The following EFCAB5 variants were observed in gnomAD, a reference collection of about 807,000 sequenced individuals.
EFCAB5 encodes the protein EF-hand calcium-binding domain-containing protein 5.
In EFCAB5, 131 loss-of-function variants were observed where a neutral mutation model predicts 167.9. The ratio of observed to expected loss-of-function variants is 0.78; its 90% CI spans 0.68 to 0.90. The LOEUF (loss-of-function observed/expected upper bound fraction) is 0.90, where lower values mean the gene tolerates loss of function less well. Among genes scored for constraint, EFCAB5 ranks in the 40% least tolerant of loss-of-function variants. EFCAB5 has a pLI of 0.00. For synonymous variants in EFCAB5, 574 were observed against 602.8 expected, an observed-to-expected ratio of 0.95 and a Z score of 0.70; for missense variants, 1,663 against 1,745.2, an observed-to-expected ratio of 0.95 and a Z score of 0.84.
intron 15 of EFCAB5, 124 bp from the exon 16 acceptor site, chr17:30,079,948 G>A (rs1459649171): frequency 8.8e-7 from 1 of 1,142,102 alleles, no homozygotes; most frequent in Non-Finnish European, 1.2e-6. Flanking sequence ...AGTAATATAT[G>A]CATTCTTTAT....
chr17:29,934,356 T>C (rs2067227904), intron 1 of EFCAB5, among the ~76,000 whole-genome samples: 1 of 152,234 alleles, frequency 6.6e-6, no homozygotes, highest in Non-Finnish European at 1.5e-5. Context: ...CCAATGGGAA[T>C]TTCCCCATCT....
At chr17:29,955,432 T>C (rs1250126060) in intron 3 of EFCAB5, among the ~76,000 whole-genome samples, 1 of 152,184 alleles carries the variant, frequency 6.6e-6, no homozygotes, top group Non-Finnish European at 1.5e-5. Flanking sequence ...CTGCGCATGC[T>C]CTGTCTCTTG....
chr17:30,085,644 GAA>G (rs1353802063), intron 18 of EFCAB5, among the ~76,000 whole-genome samples: 3 of 151,474 alleles, frequency 2.0e-5, no homozygotes, highest in Admixed American at 2.0e-4. Flanking sequence ...CGTGAACCCG[GAA>G]GAGGCAGAGC....
chr17:30,080,607 C>G (rs2070968727), intron 16 of EFCAB5, 146 bp from the exon 17 acceptor site: 3 of 624,980 alleles, frequency 4.8e-6, no homozygotes, highest in Non-Finnish European at 8.3e-6. Flanking sequence ...TCAAGTCAGA[C>G]CTCCAAACTG....
At chr17:29,939,464 C>T (rs1051327918), upstream of EFCAB5, among the ~76,000 whole-genome samples, 14 of 152,202 alleles carry the variant, frequency 9.2e-5, no homozygotes, top group East Asian at 1.9e-4. Context: ...TGAAGCCAGA[C>T]GTTGACTTCT....
intron 7 of EFCAB5, among the ~76,000 whole-genome samples, chr17:30,003,109 G>T (rs1250896876): frequency 1.3e-4 from 17 of 131,256 alleles, no homozygotes; most frequent in Admixed American, 3.9e-4. Context: ...CGGGGGGGGG[G>T]TCTGATATTT....
chr17:30,057,683 C>T lies in EFCAB5; in HGVS notation c.2373C>T (p.His791=). 2 of 1,612,134 alleles carry T rather than the reference C, an allele frequency of 1.2e-6. No individual in the cohort carries two copies. The highest frequency in any genetic ancestry group is 1.7e-6 in the Non-Finnish European group (2 of 1,178,616). ...ATGTTTCTTGCTTGACAGATTTACA[C>T]TCAATTATCAGAAATATTCAGTCTT... ...IYGNSRFTDL[H]SIIRNIQSCK... The change falls in exon 13 of 23, where the codon CAC becomes CAT. Residue 791 remains histidine (H), a synonymous_variant. Transcript: ENST00000394835.
In EFCAB5 at chr17:29,967,503, C is replaced by T. The variant is rs140359944; in HGVS notation, c.191-1288C>T. ...ATCTACATCCTCTAAACTTGGGGTG[C>T]CTCAAATCTGCTCCCAAATTTTATA... On this transcript the variant is annotated intron_variant, in intron 3 of 22. Transcript: ENST00000394835. 7.1e-3 allele frequency among the ~76,000 whole-genome samples: 1,076 copies of T among 152,286 alleles called. 5 individuals carry two copies. The highest frequency in any genetic ancestry group is 7.7e-3 in the Non-Finnish European group (525 of 68,020).
At position 30,069,122 on chromosome 17, in the gene EFCAB5, G is replaced by T. The variant is rs1597758720; in HGVS notation, c.2738-9093G>T. The T allele has an allele frequency of 5.3e-6, 8 of 1,523,264 alleles. No individual in the cohort carries two copies. The East Asian group carries it at 1.8e-4, about 34-fold the overall frequency. The allele number at this position is 1,523,264 out of a possible 1,614,324, so 94.4% of individuals were successfully genotyped here. On this transcript the variant is annotated intron_variant, in intron 14 of 22. Transcript: ENST00000394835. ...GTTAAAAGAGTGGTGGATAAGAAAA[G>T]AATATCTAAGCTGGAACCAGAACCA... is the stretch of plus-strand genomic sequence containing the variant.
intron 7 of EFCAB5, among the ~76,000 whole-genome samples, chr17:30,028,313 G>C (rs1197586843): frequency 6.6e-6 from 1 of 152,082 alleles, no homozygotes; most frequent in Non-Finnish European, 1.5e-5. Flanking sequence ...ATAAATCCAG[G>C]CTGTGCATTT....
chr17:30,096,671 ATATATATTTTT>A (rs2071294035), intron 22 of EFCAB5, among the ~76,000 whole-genome samples: 1 of 60,976 alleles, frequency 1.6e-5, no homozygotes, highest in Non-Finnish European at 3.0e-5. Context: ...ATATATATAT[ATATATATTTTT>A]TTTTTTTTTT....
intron 14 of EFCAB5, among the ~76,000 whole-genome samples, chr17:30,060,450 C>A (rs1274890435): frequency 5.9e-5 from 9 of 152,116 alleles, no homozygotes; most frequent in Admixed American, 5.2e-4. Context: ...ATGATAAATT[C>A]CTTTCTTCAT....
chr17:30,024,901 T>C (rs1179219604), intron 7 of EFCAB5, among the ~76,000 whole-genome samples: 3 of 151,416 alleles, frequency 2.0e-5, no homozygotes, highest in Non-Finnish European at 4.4e-5. Context: ...CTATCTGATC[T>C]TTGACAAACC....
intron 17 of EFCAB5, among the ~76,000 whole-genome samples, chr17:30,082,422 G>T (rs1352547705): frequency 6.7e-5 from 6 of 89,064 alleles, no homozygotes; most frequent in African/African-American, 2.8e-4. Context: ...TGTGAGACTT[G>T]CTCTGTTGCC....
chr17:29,951,572 G>A (rs1019248878), intron 3 of EFCAB5, among the ~76,000 whole-genome samples: 1 of 151,508 alleles, frequency 6.6e-6, no homozygotes, highest in Non-Finnish European at 1.5e-5. Flanking sequence ...AGCCAGGATG[G>A]TCTCAATCTC....
At chr17:29,986,025 A>G (rs1049947520) in intron 4 of EFCAB5, among the ~76,000 whole-genome samples, 2 of 152,248 alleles carry the variant, frequency 1.3e-5, no homozygotes, top group African/African-American at 2.4e-5. Flanking sequence ...AAGCACAATC[A>G]TCATTGAAAT....
At chr17:30,044,909 C>T (rs2069878230) in intron 8 of EFCAB5, among the ~76,000 whole-genome samples, 1 of 152,216 alleles carries the variant, frequency 6.6e-6, no homozygotes, top group Admixed American at 6.5e-5. Flanking sequence ...CCCAAATGTC[C>T]ATCGACTTGT....
intron 4 of EFCAB5, among the ~76,000 whole-genome samples, chr17:29,985,205 T>A (rs969655533): frequency 1.1e-4 from 16 of 152,218 alleles, no homozygotes; most frequent in Non-Finnish European, 2.2e-4. Flanking sequence ...GTGATGCAGT[T>A]CTGGCTGCAA....
intron 14 of EFCAB5, chr17:30,069,302 G>A: frequency 6.7e-7 from 1 of 1,497,084 alleles, no homozygotes; most frequent in Non-Finnish European, 9.3e-7. Flanking sequence ...AGGTGAAGAT[G>A]AGTTATCCCC....
Sources: allele counts gnomAD v4.1 joint callset (sites outside exome capture counted in the v4.1 genomes callset), GRCh38; gene constraint gnomAD v4.1.1; transcripts MANE v1.5; gene names NCBI Gene and HGNC (gene_info 2026-07-23, HGNC 2026-07-21).